C8orf34: variants seen among roughly 807,000 people sequenced by gnomAD.
C8orf34 encodes chromosome 8 open reading frame 34, also known as uncharacterized protein C8orf34.
C8orf34 carries 65 observed loss-of-function variants against 68.3 expected under a neutral mutation model. The observed-to-expected ratio is 0.95, with a 90% confidence interval of 0.78 to 1.17. C8orf34 has a LOEUF of 1.17. C8orf34 is among the 50% of genes most tolerant of loss of function. The pLI, the probability that C8orf34 is intolerant of heterozygous loss-of-function variation, is 0.00. For synonymous variants in C8orf34, 244 were observed against 241.2 expected (o/e 1.01, Z -0.11); for missense variants, 664 against 655.4 (o/e 1.01, Z -0.14).
At chr8:68,448,236 G>A (rs978840902) in intron 3 of C8orf34, among the ~76,000 whole-genome samples, 4 of 152,128 alleles carry the variant, frequency 2.6e-5, no homozygotes, top group African/African-American at 9.7e-5. Flanking sequence ...GCTGCTGGTG[G>A]TCTGGAGTCT....
At chr8:68,496,308 C>T (rs1813519978) in intron 5 of C8orf34, among the ~76,000 whole-genome samples, 1 of 152,112 alleles carries the variant, frequency 6.6e-6, no homozygotes, top group Non-Finnish European at 1.5e-5. Context: ...CACTTATACT[C>T]ATAACAACCC....
intron 5 of C8orf34, among the ~76,000 whole-genome samples, chr8:68,501,567 G>A (rs1813772855): frequency 6.6e-6 from 1 of 152,314 alleles, no homozygotes; most frequent in Middle Eastern, 3.4e-3. Flanking sequence ...TTCTCTAGAG[G>A]TGAGTCCCCA....
Position 68,335,721 on chromosome 8 carries a change from C to T in C8orf34, c.327+4382C>T, listed in dbSNP as rs141983599. Reference sequence around the variant, plus strand: ...ACCCAAAATTCAATTCAATAAATCACTATATAACCTTAGAAATAGTAATAT... The same window carrying T: ...ACCCAAAATTCAATTCAATAAATCATTATATAACCTTAGAAATAGTAATAT... On this transcript the variant is annotated intron_variant, in intron 1 of 13. Coordinates refer to ENST00000518698, the MANE Select transcript of C8orf34 (RefSeq NM_052958.4). 1.2e-4 allele frequency among the ~76,000 whole-genome samples: 19 copies of T among 152,244 alleles called. No homozygotes were observed. The East Asian group carries it at 3.7e-3, about 29-fold the overall frequency.
chr8:68,729,577 A>C (rs950804281), intron 10 of C8orf34, among the ~76,000 whole-genome samples: 2 of 152,274 alleles, frequency 1.3e-5, no homozygotes, highest in Admixed American at 1.3e-4. Flanking sequence ...GGCATGCATA[A>C]AAAGATCTAT....
At chr8:68,745,799 C>A (rs1325922524) in intron 10 of C8orf34, among the ~76,000 whole-genome samples, 1 of 152,114 alleles carries the variant, frequency 6.6e-6, no homozygotes, top group Admixed American at 6.5e-5. Context: ...GACTTTAACA[C>A]CCCACTATCA....
intron 12 of C8orf34, among the ~76,000 whole-genome samples, chr8:68,801,946 G>A (rs73283870): frequency 0.01 from 1,502 of 149,922 alleles, 26 homozygotes; most frequent in African/African-American, 0.034. Context: ...AGGCATGTGC[G>A]TACATACATA....
chr8:68,574,260 C>T (rs1816839699), intron 7 of C8orf34, among the ~76,000 whole-genome samples: 2 of 151,838 alleles, frequency 1.3e-5, no homozygotes, highest in African/African-American at 2.4e-5. Flanking sequence ...GAAAAAATGA[C>T]AAAAATATTA....
At chr8:68,496,991 T>C (rs1171741302) in intron 5 of C8orf34, among the ~76,000 whole-genome samples, 3 of 152,194 alleles carry the variant, frequency 2.0e-5, no homozygotes, top group Non-Finnish European at 4.4e-5. Context: ...CTAAGAAAGA[T>C]AGCCATGTAA....
At position 68,350,176 on chromosome 8, in the gene C8orf34, A is replaced by G. The variant is rs112501498; in HGVS notation, c.327+18837A>G. 4.6e-3 allele frequency among the ~76,000 whole-genome samples: 700 copies of G among 151,808 alleles called. 7 individuals are homozygous for G. Among genetic ancestry groups the G allele is most frequent in the African/African-American group, 0.016 (658 of 41,452 alleles). On this transcript the variant is annotated intron_variant, in intron 1 of 13. Transcript: ENST00000518698. ...TCTGGTATGTTGTATGTTTGTCCTC[A>G]TTATTTTCAAAGAACTTCTAGATTA... is the stretch of plus-strand genomic sequence containing the variant.
intron 1 of C8orf34, among the ~76,000 whole-genome samples, chr8:68,344,124 T>G (rs2129618177): frequency 6.6e-6 from 1 of 152,302 alleles, no homozygotes; most frequent in African/African-American, 2.4e-5. Flanking sequence ...TACATTATGT[T>G]TCTAGAAGTA....
chr8:68,802,674 T>A (rs1308235779), intron 12 of C8orf34, among the ~76,000 whole-genome samples: 1 of 152,008 alleles, frequency 6.6e-6, no homozygotes, highest in Non-Finnish European at 1.5e-5. Flanking sequence ...ATTTTTGTAG[T>A]TTTTGTGGAG....
chr8:68,362,622 C>G (rs892093118), intron 1 of C8orf34, among the ~76,000 whole-genome samples: 3 of 152,186 alleles, frequency 2.0e-5, no homozygotes, highest in Non-Finnish European at 4.4e-5. Flanking sequence ...AGGCACCCCC[C>G]AGCAGGGGCA....
At chr8:68,805,444 A>G (rs572979400) in intron 12 of C8orf34, among the ~76,000 whole-genome samples, 33 of 152,318 alleles carry the variant, frequency 2.2e-4, no homozygotes, top group Non-Finnish European at 4.6e-4. Flanking sequence ...CTGTGTGTCA[A>G]CACCTCCTGC....
intron 6 of C8orf34, chr8:68,525,624 A>T: frequency 1.3e-6 from 1 of 760,306 alleles, no homozygotes; most frequent in South Asian, 1.4e-5. Flanking sequence ...AACTGGTCAG[A>T]TGGGAGCAGA....
At chr8:68,746,028 A>G (rs1348062854) in intron 10 of C8orf34, among the ~76,000 whole-genome samples, 4 of 152,142 alleles carry the variant, frequency 2.6e-5, no homozygotes, top group Non-Finnish European at 5.9e-5. Flanking sequence ...AAATTATAAC[A>G]AACTATCTCT....
At chr8:68,526,020 GTT>G in intron 6 of C8orf34, 1 of 199,854 alleles carries the variant, frequency 5.0e-6, no homozygotes, top group Non-Finnish European at 9.8e-6. Context: ...GTGCAGTGGT[GTT>G]ATCTTGGCTC....
At chr8:68,534,762 G>C in intron 7 of C8orf34, 1 of 985,326 alleles carries the variant, frequency 1.0e-6, no homozygotes, top group African/African-American at 1.7e-5. Flanking sequence ...CTGAGATCCA[G>C]GGTTTCTTTC....
chr8:68,488,595 T>C (rs775368183), intron 5 of C8orf34, among the ~76,000 whole-genome samples: 7 of 152,068 alleles, frequency 4.6e-5, no homozygotes, highest in Non-Finnish European at 8.8e-5. Flanking sequence ...ATGTGGGGAA[T>C]TGCAGAACAA....
In C8orf34 at chr8:68,692,441, A is replaced by G. The variant is rs193101473; in HGVS notation, c.1242-16553A>G. 1.2e-3 allele frequency among the ~76,000 whole-genome samples: 186 copies of G among 152,202 alleles called. 1 individual carries two copies. Among genetic ancestry groups the G allele is most frequent in the Admixed American group, 8.4e-3 (128 of 15,250 alleles). The stretch of plus-strand genomic sequence containing the variant: ...GTCACAGTCATTTATGAACATGTAT[A>G]TTTCATATGTACATGGGAGACACCC... On this transcript the variant is annotated intron_variant, in intron 8 of 13. Transcript: ENST00000518698.
Sources: allele counts gnomAD v4.1 joint callset (sites outside exome capture counted in the v4.1 genomes callset), GRCh38; gene constraint gnomAD v4.1.1; transcripts MANE v1.5; gene names NCBI Gene and HGNC (gene_info 2026-07-23, HGNC 2026-07-21).